The following SFI1 variants were observed in gnomAD, a reference collection of about 807,000 sequenced individuals.
The protein encoded by SFI1 is protein SFI1 homolog.
A neutral mutation model predicts 207.5 loss-of-function variants in SFI1; 195 were observed. That is an observed-to-expected ratio of 0.94 (90% CI 0.84 to 1.06). SFI1 has a LOEUF of 1.06. Among genes scored for constraint, SFI1 ranks in the 50% least tolerant of loss-of-function variants. SFI1 has a pLI of 0.00. For missense variants in SFI1, 1,634 were observed against 1,588.0 expected (o/e 1.03, Z -0.49); for synonymous variants, 630 against 598.9 (o/e 1.05, Z -0.76).
chr22:31,543,657 A>C (rs759004712), intron 4 of SFI1, among the ~76,000 whole-genome samples: 2 of 151,952 alleles, frequency 1.3e-5, no homozygotes, highest in Non-Finnish European at 2.9e-5. Flanking sequence ...TAAAAGTACA[A>C]AAATTAGCTG....
intron 14 of SFI1, among the ~76,000 whole-genome samples, chr22:31,585,819 A>G (rs1317029056): frequency 6.6e-6 from 1 of 152,182 alleles, no homozygotes; most frequent in Non-Finnish European, 1.5e-5. Flanking sequence ...ACTCAGTGGG[A>G]AAGGGTTCAG....
At chr22:31,515,748 C>CT (rs952835128) in intron 2 of SFI1, among the ~76,000 whole-genome samples, 6 of 89,914 alleles carry the variant, frequency 6.7e-5, no homozygotes, top group East Asian at 3.3e-4. Flanking sequence ...TTTTTTTTTT[C>CT]TTTTTTTGAG....
chr22:31,549,565 A>G (rs937589279), intron 5 of SFI1, among the ~76,000 whole-genome samples: 7 of 151,922 alleles, frequency 4.6e-5, no homozygotes, highest in African/African-American at 1.7e-4. Flanking sequence ...GGGTTTCACC[A>G]TATTGACCAG....
intron 15 of SFI1, among the ~76,000 whole-genome samples, chr22:31,593,427 C>A (rs1474647748): frequency 1.1e-3 from 162 of 141,588 alleles, no homozygotes; most frequent in African/African-American, 4.2e-3. Flanking sequence ...TCCTCACTTC[C>A]TAGATGTGAT....
chr22:31,574,047 G>A (rs1198552721), intron 9 of SFI1, among the ~76,000 whole-genome samples: 1 of 152,114 alleles, frequency 6.6e-6, no homozygotes, highest in Non-Finnish European at 1.5e-5. Context: ...CTGTTTATAT[G>A]GTTTTGTTTC....
chr22:31,511,508 G>A (rs928157983), intron 2 of SFI1, among the ~76,000 whole-genome samples: 1 of 132,980 alleles, frequency 7.5e-6, no homozygotes, highest in Non-Finnish European at 1.5e-5. Flanking sequence ...CTGCTCTGTC[G>A]CTCAGGTTGG....
chr22:31,604,293 TCTC>T lies in SFI1; in HGVS notation c.1882-12_1882-10del, dbSNP rs781323958. On this transcript the variant is annotated splice_polypyrimidine_tract_variant and intron_variant, in intron 18 of 32. Coordinates refer to ENST00000400288, the MANE Select transcript of SFI1 (RefSeq NM_001007467.3). ...AGACCCCAGCCCACGGTAGCTGCTT[TCTC>T]CTCTGTCTGCAGTGCCTGGCCCTGC... 2.6e-6 allele frequency: 4 copies of T among 1,559,272 alleles called. No individual in the cohort carries two copies. The highest frequency in any genetic ancestry group is 1.2e-5 in the South Asian group (1 of 84,932).
At position 31,583,970 on chromosome 22, in the gene SFI1, C is replaced by T; in HGVS notation, c.1344C>T (p.Tyr448=). ...TACTGCATGCTGCCTGGGACCACTACAGGTAGGGACTCTGGTTTCATCCCT... is the reference window on the plus strand; with the variant it reads ...TACTGCATGCTGCCTGGGACCACTATAGGTAGGGACTCTGGTTTCATCCCT... ...LPLLHAAWDH[Y]RIALLCKCIE... Residue 448 remains tyrosine, a splice_region_variant and synonymous_variant, in exon 13 of 33, where the codon TAC becomes TAT. Coordinates refer to ENST00000400288, the MANE Select transcript of SFI1 (RefSeq NM_001007467.3). 1.9e-6 allele frequency: 3 copies of T among 1,613,050 alleles called. No individual in the cohort carries two copies. The highest frequency in any genetic ancestry group is 2.2e-5 in the East Asian group (1 of 44,886).
In SFI1 at chr22:31,593,156, G is replaced by A. The variant is rs1452146785; in HGVS notation, c.1544+3579G>A. Among the ~76,000 whole-genome samples the A allele has an allele frequency of 6.6e-4, 99 of 149,726 alleles. 1 individual carries two copies. Among genetic ancestry groups the A allele is most frequent in the Non-Finnish European group, 1.2e-3 (81 of 67,150 alleles). ...GCTGACCCCCCCCCACCTCCTTCCC[G>A]GACGGGGTGGCTGCCGGGCGGAGAC... On this transcript the variant is annotated intron_variant, in intron 15 of 32. Transcript: ENST00000400288.
intron 8 of SFI1, among the ~76,000 whole-genome samples, chr22:31,566,689 G>T (rs1361522109): frequency 3.3e-5 from 5 of 152,186 alleles, no homozygotes; most frequent in Non-Finnish European, 7.3e-5. Context: ...GGATGATCCA[G>T]TTATTAATAT....
Position 31,615,203 on chromosome 22 carries a change from CGGCAAGCACA to C in SFI1, c.3228_3237del (p.Ser1077ArgfsTer107). 1 of 1,580,550 alleles carries C rather than the reference CGGCAAGCACA, an allele frequency of 6.3e-7. No homozygotes were observed. Among genetic ancestry groups the C allele is most frequent in the African/African-American group, 1.4e-5 (1 of 73,620 alleles). On this transcript the variant is annotated frameshift_variant, in exon 29 of 33. Coordinates refer to ENST00000400288, the MANE Select transcript of SFI1 (RefSeq NM_001007467.3). LOFTEE classifies it high-confidence loss of function. ...GCCCCTGGCCCGAAGCAGCCCCCGA[CGGCAAGCACA>C]GGCCCGGAGCTGCTGCTGCTGCCTC...
chr22:31,586,861 A>G (rs1480235160), intron 14 of SFI1, among the ~76,000 whole-genome samples: 4 of 152,172 alleles, frequency 2.6e-5, no homozygotes, highest in Non-Finnish European at 5.9e-5. Context: ...GCCTGCTTTC[A>G]AAGGTATAGC....
chr22:31,505,440 A>AAAAAAG (rs1018185914), intron 1 of SFI1, among the ~76,000 whole-genome samples: 1 of 139,138 alleles, frequency 7.2e-6, no homozygotes, highest in South Asian at 2.3e-4. Context: ...CTGTCTCGGA[A>AAAAAAG]AAAAAGAAAA....
intron 14 of SFI1, among the ~76,000 whole-genome samples, chr22:31,589,202 ATGTGTGTGCGTGTGTGTGTGTGTGTG>A (rs1253827572): frequency 1.0e-5 from 1 of 98,038 alleles, no homozygotes; most frequent in Non-Finnish European, 2.2e-5. Context: ...GAGTGTGTGT[ATGTGTGTGCGTGTGTGTGTGTGTGTG>A]TGTGTGTAGA....
At chr22:31,600,625 C>T (rs1033526155) in intron 15 of SFI1, among the ~76,000 whole-genome samples, 2 of 152,206 alleles carry the variant, frequency 1.3e-5, no homozygotes, top group African/African-American at 4.8e-5. Context: ...ATTCCAGCCC[C>T]TCTGGCAGTC....
chr22:31,546,902 A>C lies in SFI1; in HGVS notation c.380A>C (p.Glu127Ala). ...CGATTACTACGGAAGGTCTTCGAAG[A>C]ATGGAAAGAGGAGTGGTGGGTTTTC... Reference protein sequence around the residue: ...EQRLLRKVFEEWKEEWWVFQH... With the variant: ...EQRLLRKVFEAWKEEWWVFQH... Residue 127 changes from glutamate (E) to alanine (A), a missense_variant, in exon 5 of 33, where the codon GAA becomes GCA. By Grantham distance (107) the Glu-to-Ala change is moderately radical. Transcript: ENST00000400288. 3 of 1,612,450 alleles carry C rather than the reference A, an allele frequency of 1.9e-6. No individual in the cohort carries two copies. Among genetic ancestry groups the C allele is most frequent in the Non-Finnish European group, 2.5e-6 (3 of 1,179,326 alleles).
Position 31,575,131 on chromosome 22 carries a change from C to CCA in SFI1, c.923-99_923-98insAC, listed in dbSNP as rs2063349656. ...GTGTGTGTGTGTGTGTGGCCTTGAACCCCTGCTCTCTGCCAGTAGTGGGGT... is the reference window on the plus strand; with the variant it reads ...GTGTGTGTGTGTGTGTGGCCTTGAACCACCCTGCTCTCTGCCAGTAGTGGGGT... On this transcript the variant is annotated intron_variant, in intron 9 of 32. Transcript: ENST00000400288. The CCA allele has an allele frequency of 1.4e-5, 14 of 994,040 alleles. No homozygotes were observed. The South Asian group carries it at 2.4e-4, about 17-fold the overall frequency. 61.6% of individuals were successfully genotyped at this position (994,040 alleles called of 1,614,324 possible).
At position 31,602,610 on chromosome 22, in the gene SFI1, A is replaced by G. The variant is rs753318817; in HGVS notation, c.1630A>G (p.Ile544Val). The G allele has an allele frequency of 1.2e-6, 2 of 1,614,042 alleles. No individual in the cohort carries two copies. Among genetic ancestry groups the G allele is most frequent in the Non-Finnish European group, 1.7e-6 (2 of 1,179,996 alleles). The change falls in exon 17 of 33, where the codon ATC (isoleucine) becomes GTC (valine). Residue 544 changes from isoleucine to valine, a missense_variant. Ile to Val is a conservative substitution (Grantham distance 29). Transcript: ENST00000400288. ...RENRLAERMA[I>V]LHAERQLLYR... ...TCTCCTTCCTGTCCTGCCTCAGGCC[A>G]TCCTTCACGCAGAGCGACAGCTTCT...
chr22:31,584,416 G>T (rs193009730), intron 13 of SFI1, among the ~76,000 whole-genome samples: 4 of 152,246 alleles, frequency 2.6e-5, no homozygotes, highest in Admixed American at 1.3e-4. Flanking sequence ...AATGTATAGG[G>T]TGGAAAGTAT....
Sources: allele counts gnomAD v4.1 joint callset (sites outside exome capture counted in the v4.1 genomes callset), GRCh38; gene constraint gnomAD v4.1.1; transcripts MANE v1.5; gene names NCBI Gene and HGNC (gene_info 2026-07-23, HGNC 2026-07-21).